PLCB1: variants seen among roughly 807,000 people sequenced by gnomAD.
The protein encoded by PLCB1 is phospholipase C beta 1, also known as 1-phosphatidylinositol 4,5-bisphosphate phosphodiesterase beta-1.
In PLCB1, 46 loss-of-function variants were observed where a neutral mutation model predicts 161.8. The ratio of observed to expected loss-of-function variants is 0.28; its 90% CI spans 0.22 to 0.36. PLCB1 has a LOEUF of 0.36. Among genes scored for constraint, PLCB1 ranks in the 10% least tolerant of loss-of-function variants. The pLI, the probability that PLCB1 is intolerant of heterozygous loss-of-function variation, is 1.00. For missense variants in PLCB1, 1,016 were observed against 1,472.5 expected (o/e 0.69, Z 5.07); for synonymous variants, 517 against 503.7 (o/e 1.03, Z -0.35).
chr20:8,188,306 A>G (rs2051928467), intron 2 of PLCB1, among the ~76,000 whole-genome samples: 1 of 152,190 alleles, frequency 6.6e-6, no homozygotes, highest in African/African-American at 2.4e-5. Flanking sequence ...TACATGGCCA[A>G]GCCCAACATC....
Position 8,757,142 on chromosome 20 carries a change from C to A in PLCB1, c.2620C>A (p.Pro874Thr). Residue 874 changes from proline (P) to threonine (T), a missense_variant, in exon 24 of 32, where the codon CCA (proline) becomes ACA (threonine). Pro to Thr is a conservative substitution (Grantham distance 38). Around this residue, in one of 10 missense-constraint regions of PLCB1, gnomAD observed 398 missense variants for 445.4 expected, o/e 0.89. Transcript: ENST00000338037. ...TCACACTACAACCCTGACACCCAAG[C>A]CACCCTCCCAGGCTCTCCACAGCCA... The part of the protein sequence containing the change: ...VNHTTTLTPK[P>T]PSQALHSQPA... 1 of 1,613,206 alleles carries A rather than the reference C, an allele frequency of 6.2e-7. No homozygotes were observed. Among genetic ancestry groups the A allele is most frequent in the South Asian group, 1.1e-5 (1 of 90,940 alleles).
chr20:8,684,145 A>G (rs1335553607), intron 9 of PLCB1, among the ~76,000 whole-genome samples: 1 of 152,058 alleles, frequency 6.6e-6, no homozygotes, highest in African/African-American at 2.4e-5. Flanking sequence ...TGGCCTCCCA[A>G]AGTGCTGGGA....
At chr20:8,837,953 T>C (rs1986352847) in intron 31 of PLCB1, among the ~76,000 whole-genome samples, 1 of 152,154 alleles carries the variant, frequency 6.6e-6, no homozygotes, top group African/African-American at 2.4e-5. Context: ...CAAAATTCTC[T>C]AACTCACAGA....
At chr20:8,869,642 A>T (rs1320237001) in intron 31 of PLCB1, among the ~76,000 whole-genome samples, 2 of 152,250 alleles carry the variant, frequency 1.3e-5, no homozygotes, top group African/African-American at 2.4e-5. Flanking sequence ...TGCAACAATA[A>T]TACCAAATAA....
At chr20:8,149,381 A>G (rs1025248644) in intron 1 of PLCB1, among the ~76,000 whole-genome samples, 1 of 152,198 alleles carries the variant, frequency 6.6e-6, no homozygotes, top group African/African-American at 2.4e-5. Context: ...ATGTAGATTA[A>G]AATCATTCAT....
chr20:8,299,204 G>T (rs1050137344), intron 2 of PLCB1, among the ~76,000 whole-genome samples: 1 of 152,086 alleles, frequency 6.6e-6, no homozygotes, highest in African/African-American at 2.4e-5. Flanking sequence ...CTGGAATTCA[G>T]TTTAGACTCT....
chr20:8,267,699 C>G (rs901023746), intron 2 of PLCB1, among the ~76,000 whole-genome samples: 2 of 152,036 alleles, frequency 1.3e-5, no homozygotes, highest in African/African-American at 4.8e-5. Flanking sequence ...CTCCACAGAA[C>G]GGGAGCGGGC....
intron 3 of PLCB1, among the ~76,000 whole-genome samples, chr20:8,592,623 T>C (rs2123112929): frequency 6.6e-6 from 1 of 152,266 alleles, no homozygotes; most frequent in African/African-American, 2.4e-5. Context: ...CCGAATAAAC[T>C]GTGTGTTGTG....
At chr20:8,169,883 G>T (rs991018072) in intron 2 of PLCB1, among the ~76,000 whole-genome samples, 2 of 152,186 alleles carry the variant, frequency 1.3e-5, no homozygotes, top group Non-Finnish European at 2.9e-5. Flanking sequence ...AATTTGGAGG[G>T]CTCAGTTGCT....
chr20:8,220,358 G>T (rs1297367902), intron 2 of PLCB1, among the ~76,000 whole-genome samples: 1 of 152,268 alleles, frequency 6.6e-6, no homozygotes, highest in Admixed American at 6.5e-5. Context: ...TTCACTAGGG[G>T]TTTAGTTGGT....
chr20:8,594,924 C>G (rs1294900815), intron 3 of PLCB1, among the ~76,000 whole-genome samples: 1 of 152,174 alleles, frequency 6.6e-6, no homozygotes, highest in East Asian at 1.9e-4. Context: ...ATTTTACAAA[C>G]TTTTGAATTG....
intron 14 of PLCB1, 97 bp from the exon 15 acceptor site, chr20:8,722,257 A>G (rs950599556): frequency 8.5e-5 from 75 of 886,650 alleles, no homozygotes; most frequent in Admixed American, 2.7e-4. Context: ...ACTTCCAAGG[A>G]AATCTGTAAT....
At chr20:8,777,495 G>A (rs964100669) in intron 27 of PLCB1, among the ~76,000 whole-genome samples, 3 of 152,074 alleles carry the variant, frequency 2.0e-5, no homozygotes, top group Non-Finnish European at 2.9e-5. Context: ...GAGGCAGGTG[G>A]ATCACCTGAG....
At chr20:8,576,315 T>C (rs1986672673) in intron 3 of PLCB1, among the ~76,000 whole-genome samples, 1 of 152,142 alleles carries the variant, frequency 6.6e-6, no homozygotes, top group Non-Finnish European at 1.5e-5. Flanking sequence ...TTGGAGCCCA[T>C]TTTTGTTATT....
intron 3 of PLCB1, among the ~76,000 whole-genome samples, chr20:8,520,412 GCCAGTTAA>G (rs1202196038): frequency 6.6e-6 from 1 of 151,936 alleles, no homozygotes; most frequent in Admixed American, 6.6e-5. Flanking sequence ...TAACTATTTT[GCCAGTTAA>G]CCATGGCCAA....
chr20:8,704,599 C>G (rs556474957), intron 11 of PLCB1, among the ~76,000 whole-genome samples: 1 of 152,340 alleles, frequency 6.6e-6, no homozygotes, highest in Non-Finnish European at 1.5e-5. Flanking sequence ...GGTCAACAAA[C>G]TATCTTCTGC....
chr20:8,504,458 A>G (rs1983547167), intron 3 of PLCB1, among the ~76,000 whole-genome samples: 1 of 152,234 alleles, frequency 6.6e-6, no homozygotes, highest in Non-Finnish European at 1.5e-5. Context: ...AAAAATATAA[A>G]TCAAGAGTGG....
At chr20:8,757,207 A>G in intron 24 of PLCB1, 29 bp downstream of exon 24, 2 of 1,583,520 alleles carry the variant, frequency 1.3e-6, no homozygotes, top group South Asian at 2.3e-5. Flanking sequence ...GCTGGACAAC[A>G]TGAGCAAGAT....
intron 3 of PLCB1, among the ~76,000 whole-genome samples, chr20:8,449,764 C>T (rs140430288): frequency 1.5e-3 from 231 of 152,274 alleles, no homozygotes; most frequent in Middle Eastern, 6.8e-3. Flanking sequence ...TTTCTGCATC[C>T]TAGGATCAGC....
Sources: gnomAD v4.1 joint callset for allele counts (sites outside exome capture counted in the v4.1 genomes callset) on GRCh38, gnomAD v4.1.1 for gene constraint, gnomAD v4.1.1 regional missense constraint, MANE v1.5 for transcripts, NCBI Gene and HGNC (gene_info 2026-07-23, HGNC 2026-07-21) for gene names.